Variants in DCC observed in about 807,000 individuals in gnomAD.
The protein encoded by DCC is DCC netrin 1 receptor, also known as netrin receptor DCC.
A neutral mutation model predicts 172.5 loss-of-function variants in DCC; 58 were observed. That is an observed-to-expected ratio of 0.34 (90% CI 0.27 to 0.42). DCC has a LOEUF of 0.42. Among genes scored for constraint, DCC ranks in the 10% least tolerant of loss-of-function variants. The probability of loss-of-function intolerance (pLI) is 1.00; values close to 1 mark genes in which losing one functional copy is unlikely to be tolerated. For synonymous variants in DCC, 709 were observed against 644.5 expected (o/e 1.10, Z -1.52); for missense variants, 1,740 against 1,791.0 (o/e 0.97, Z 0.51).
chr18:52,346,516 C>T (rs982054690), intron 1 of DCC, among the ~76,000 whole-genome samples: 1 of 152,152 alleles, frequency 6.6e-6, no homozygotes, highest in East Asian at 1.9e-4. Context: ...AAAGTGTTTT[C>T]TTTGGTAGTT....
chr18:53,131,538 T>C (rs2043651137), intron 7 of DCC, among the ~76,000 whole-genome samples: 1 of 152,152 alleles, frequency 6.6e-6, no homozygotes, highest in Admixed American at 6.6e-5. Flanking sequence ...GGCACTTTGA[T>C]GACCTGGCTT....
intron 3 of DCC, among the ~76,000 whole-genome samples, chr18:52,913,478 C>T (rs953384652): frequency 1.3e-5 from 2 of 151,948 alleles, no homozygotes; most frequent in African/African-American, 4.8e-5. Context: ...TAGTGATCTC[C>T]CCCTCAGCAA....
At chr18:52,409,546 G>A (rs933300634) in intron 1 of DCC, among the ~76,000 whole-genome samples, 1 of 152,104 alleles carries the variant, frequency 6.6e-6, no homozygotes, top group Non-Finnish European at 1.5e-5. Flanking sequence ...TAGAGCCAGC[G>A]GCCTGGGTCC....
intron 13 of DCC, among the ~76,000 whole-genome samples, chr18:53,315,432 T>A (rs2057331950): frequency 6.6e-6 from 1 of 152,236 alleles, no homozygotes; most frequent in African/African-American, 2.4e-5. Flanking sequence ...TACATGTGCA[T>A]GTGTCTTTAT....
chr18:52,548,512 T>C (rs145432645), intron 1 of DCC, among the ~76,000 whole-genome samples: 1 of 152,182 alleles, frequency 6.6e-6, no homozygotes, highest in Non-Finnish European at 1.5e-5. Context: ...TCCACATCAG[T>C]TCTAGGCTGG....
At chr18:52,475,264 C>A (rs537786895) in intron 1 of DCC, among the ~76,000 whole-genome samples, 26 of 152,194 alleles carry the variant, frequency 1.7e-4, no homozygotes, top group Non-Finnish European at 2.9e-4. Context: ...TATAAAAACA[C>A]TCAAATTCAG....
intron 1 of DCC, among the ~76,000 whole-genome samples, chr18:52,370,225 G>T (rs1985056158): frequency 6.6e-6 from 1 of 152,168 alleles, no homozygotes; most frequent in East Asian, 1.9e-4. Context: ...TCCTATTACT[G>T]GGTATGTACC....
intron 1 of DCC, among the ~76,000 whole-genome samples, chr18:52,681,522 G>A (rs2144991593): frequency 6.6e-6 from 1 of 152,110 alleles, no homozygotes; most frequent in Admixed American, 6.6e-5. Flanking sequence ...TGTTTTTATT[G>A]ATTAATTGGT....
intron 1 of DCC, among the ~76,000 whole-genome samples, chr18:52,628,009 G>A (rs1390093934): frequency 6.6e-6 from 1 of 152,146 alleles, no homozygotes; most frequent in African/African-American, 2.4e-5. Context: ...AAAATTTGAT[G>A]ACTCTGCCTT....
intron 5 of DCC, among the ~76,000 whole-genome samples, chr18:53,020,186 T>C (rs1351665623): frequency 1.3e-5 from 2 of 152,160 alleles, no homozygotes; most frequent in Admixed American, 6.5e-5. Flanking sequence ...TATATTCTAA[T>C]GTGACACTTT....
intron 5 of DCC, among the ~76,000 whole-genome samples, chr18:52,968,410 G>A (rs2040969518): frequency 6.6e-6 from 1 of 152,132 alleles, no homozygotes; most frequent in Non-Finnish European, 1.5e-5. Flanking sequence ...TTGTCACAGG[G>A]CTTGGTGGTG....
chr18:53,348,441 A>G (rs1291912088), intron 15 of DCC, among the ~76,000 whole-genome samples: 1 of 152,134 alleles, frequency 6.6e-6, no homozygotes, highest in Non-Finnish European at 1.5e-5. Flanking sequence ...GGCTGCTTTT[A>G]TAGGCTGGCA....
intron 1 of DCC, among the ~76,000 whole-genome samples, chr18:52,425,451 A>G (rs1248959552): frequency 6.6e-6 from 1 of 152,094 alleles, no homozygotes; most frequent in African/African-American, 2.4e-5. Context: ...GGTGATTTCA[A>G]GGTTGGTGCT....
At chr18:53,429,031 A>ATATATATTTTATATATAATATAT (rs1450219588) in intron 21 of DCC, among the ~76,000 whole-genome samples, 1 of 48,858 alleles carries the variant, frequency 2.0e-5, no homozygotes, top group African/African-American at 6.0e-5. Context: ...TTTTTATATA[A>ATATATATTTTATATATAATATAT]TATATATTTT....
intron 12 of DCC, among the ~76,000 whole-genome samples, chr18:53,263,572 G>A (rs1186721163): frequency 6.6e-6 from 1 of 152,068 alleles, no homozygotes; most frequent in African/African-American, 2.4e-5. Context: ...TATTATAATG[G>A]AAAGACTGGG....
intron 2 of DCC, among the ~76,000 whole-genome samples, chr18:52,786,101 T>C (rs992297326): frequency 6.6e-6 from 1 of 152,074 alleles, no homozygotes; most frequent in Non-Finnish European, 1.5e-5. Flanking sequence ...GTGTAGTAGG[T>C]ACTTTCCACA....
At chr18:53,524,586 G>A (rs2046434705) in intron 27 of DCC, among the ~76,000 whole-genome samples, 1 of 152,046 alleles carries the variant, frequency 6.6e-6, no homozygotes, top group Non-Finnish European at 1.5e-5. Flanking sequence ...TTGGAATACA[G>A]TATTTTAAGT....
At chr18:52,977,538 T>C (rs1051054061) in intron 5 of DCC, among the ~76,000 whole-genome samples, 5 of 152,166 alleles carry the variant, frequency 3.3e-5, no homozygotes, top group Admixed American at 6.5e-5. Flanking sequence ...GGAAAAGTCA[T>C]TCTTGTTCCT....
chr18:52,451,958 G>A (rs902709197), intron 1 of DCC, among the ~76,000 whole-genome samples: 2 of 152,128 alleles, frequency 1.3e-5, no homozygotes, highest in African/African-American at 4.8e-5. Flanking sequence ...GAGAGATAAT[G>A]TGATTTTTCC....
Sources: gnomAD v4.1 joint callset for allele counts (sites outside exome capture counted in the v4.1 genomes callset) on GRCh38, gnomAD v4.1.1 for gene constraint, MANE v1.5 for transcripts, NCBI Gene and HGNC (gene_info 2026-07-23, HGNC 2026-07-21) for gene names.